NKAIN3: variants seen among roughly 807,000 people sequenced by gnomAD.
The protein encoded by NKAIN3 is sodium/potassium transporting ATPase interacting 3, also known as sodium/potassium-transporting ATPase subunit beta-1-interacting protein 3.
NKAIN3 carries 25 observed loss-of-function variants against 30.2 expected under a neutral mutation model. The ratio of observed to expected loss-of-function variants is 0.83; its 90% CI spans 0.60 to 1.16. The LOEUF is 1.16. Among genes scored for constraint, NKAIN3 ranks in the 50% most tolerant of loss-of-function variants. The pLI, the probability that NKAIN3 is intolerant of heterozygous loss-of-function variation, is 0.00. For missense variants in NKAIN3, 225 were observed against 254.1 expected (o/e 0.89, Z 0.78); for synonymous variants, 91 against 89.6 (o/e 1.02, Z -0.09).
At chr8:62,270,096 G>C (rs2129392439) in intron 1 of NKAIN3, among the ~76,000 whole-genome samples, 1 of 151,492 alleles carries the variant, frequency 6.6e-6, no homozygotes, top group African/African-American at 2.4e-5. Context: ...TTGTTTGTTT[G>C]TTCTGAGAGA....
chr8:62,852,622 T>A (rs189969220), intron 4 of NKAIN3, among the ~76,000 whole-genome samples: 183 of 152,318 alleles, frequency 1.2e-3, no homozygotes, highest in African/African-American at 4.3e-3. Context: ...CACACTGCTT[T>A]GAATGTGTCC....
At chr8:62,850,183 A>G (rs900768159) in intron 4 of NKAIN3, among the ~76,000 whole-genome samples, 5 of 151,960 alleles carry the variant, frequency 3.3e-5, no homozygotes, top group African/African-American at 1.2e-4. Context: ...TGTGGTTTTG[A>G]TTTGCATTTC....
intron 4 of NKAIN3, chr8:62,864,181 G>A (rs13274287): frequency 0.55 from 355,024 of 641,476 alleles, 100,881 homozygotes; most frequent in Non-Finnish European, 0.61. Flanking sequence ...TCAACCGACC[G>A]GGAGGAGGCT....
At chr8:62,776,303 T>C (rs1817190224) in intron 4 of NKAIN3, among the ~76,000 whole-genome samples, 1 of 152,090 alleles carries the variant, frequency 6.6e-6, no homozygotes, top group South Asian at 2.1e-4. Context: ...AAGTAAGGAC[T>C]TTCTTCTGCA....
chr8:62,437,545 G>A (rs1478587814), intron 1 of NKAIN3, among the ~76,000 whole-genome samples: 1 of 152,170 alleles, frequency 6.6e-6, no homozygotes, highest in Non-Finnish European at 1.5e-5. Flanking sequence ...AGATGCTGAG[G>A]CATAAGTCCT....
chr8:62,697,087 T>C (rs756319751), intron 3 of NKAIN3, among the ~76,000 whole-genome samples: 1 of 152,212 alleles, frequency 6.6e-6, no homozygotes, highest in African/African-American at 2.4e-5. Flanking sequence ...TTTTCAAAAC[T>C]GCAGCAGGCG....
At chr8:62,731,007 C>T (rs1360377929) in intron 3 of NKAIN3, among the ~76,000 whole-genome samples, 1 of 152,116 alleles carries the variant, frequency 6.6e-6, no homozygotes, top group African/African-American at 2.4e-5. Flanking sequence ...CTCCTACATC[C>T]TTTCAATGTG....
At chr8:62,792,057 G>A (rs1817715448) in intron 4 of NKAIN3, among the ~76,000 whole-genome samples, 2 of 151,928 alleles carry the variant, frequency 1.3e-5, no homozygotes, top group South Asian at 2.1e-4. Flanking sequence ...TCATGACCAG[G>A]GATACTAATA....
intron 4 of NKAIN3, among the ~76,000 whole-genome samples, chr8:62,885,245 T>C (rs1047686813): frequency 2.6e-5 from 4 of 152,354 alleles, no homozygotes; most frequent in Middle Eastern, 3.4e-3. Context: ...TTGACTCATG[T>C]TATTTCGAAG....
intron 1 of NKAIN3, among the ~76,000 whole-genome samples, chr8:62,493,368 G>A: frequency 6.6e-6 from 1 of 151,924 alleles, no homozygotes; most frequent in East Asian, 1.9e-4. Context: ...TCTCTATTCT[G>A]CTCCACTTGT....
intron 3 of NKAIN3, among the ~76,000 whole-genome samples, chr8:62,720,159 A>G (rs1413557183): frequency 1.3e-5 from 2 of 152,218 alleles, no homozygotes; most frequent in Non-Finnish European, 2.9e-5. Context: ...ATTTATAAAA[A>G]TAAGAAGCTA....
rs1049445362 is a variant in NKAIN3, at chr8:62,994,440, A to G, written c.533-4791A>G. Among the ~76,000 whole-genome samples, 4 of 152,300 alleles carry G rather than the reference A, an allele frequency of 2.6e-5. No homozygotes were observed. In the East Asian group the frequency reaches 7.7e-4, roughly 29 times the overall value. On this transcript the variant is annotated intron_variant, in intron 5 of 5. Coordinates refer to the NKAIN3 transcript ENST00000519049. ...GTGTAGAATGTCTCAGGAATGATGTAAAAGAAATCAGTTGCACTGGTCATC... is the reference window on the plus strand; with the variant it reads ...GTGTAGAATGTCTCAGGAATGATGTGAAAGAAATCAGTTGCACTGGTCATC...
At chr8:62,560,276 C>T (rs1809525960) in intron 1 of NKAIN3, among the ~76,000 whole-genome samples, 4 of 152,002 alleles carry the variant, frequency 2.6e-5, no homozygotes, top group Admixed American at 2.6e-4. Flanking sequence ...AAGATTTACT[C>T]ATCTTCTTGC....
intron 1 of NKAIN3, among the ~76,000 whole-genome samples, chr8:62,521,741 G>A (rs191317425): frequency 3.9e-4 from 60 of 152,244 alleles, no homozygotes; most frequent in African/African-American, 1.3e-3. Context: ...ATTCATTAAT[G>A]CAGAGAACTG....
chr8:62,477,224 G>A (rs901056596), intron 1 of NKAIN3, among the ~76,000 whole-genome samples: 2 of 152,172 alleles, frequency 1.3e-5, no homozygotes, highest in Non-Finnish European at 2.9e-5. Context: ...GGCAAGGATG[G>A]GCTCAGATTT....
intron 2 of NKAIN3, among the ~76,000 whole-genome samples, chr8:62,581,193 A>G (rs1381535827): frequency 6.7e-6 from 1 of 148,812 alleles, no homozygotes; most frequent in Non-Finnish European, 1.5e-5. Context: ...TCTGCTAAGT[A>G]ACTACACAAT....
rs1361390011 is a variant in NKAIN3, at chr8:62,981,352, A to G, written c.*15945A>G. On this transcript the variant is annotated 3_prime_UTR_variant, in exon 7 of 7. Transcript: ENST00000623646. Reference sequence around the variant, plus strand: ...AGCACCCGTGATAACTGTAATAAGAATATGTCTCGTTTTCTTTTAAAGACA... The same window carrying G: ...AGCACCCGTGATAACTGTAATAAGAGTATGTCTCGTTTTCTTTTAAAGACA... 5.3e-5 allele frequency: 8 copies of G among 152,334 alleles called. No individual in the cohort carries two copies. The highest frequency in any genetic ancestry group is 1.9e-4 in the African/African-American group (8 of 41,584). 9.4% of individuals were successfully genotyped at this position (152,334 alleles called of 1,614,324 possible). A position where few individuals can be genotyped will look rare whatever the true frequency, so the allele number is the denominator to read the frequency against.
chr8:62,275,946 T>C (rs1251061951), intron 1 of NKAIN3, among the ~76,000 whole-genome samples: 1 of 152,188 alleles, frequency 6.6e-6, no homozygotes, highest in East Asian at 1.9e-4. Flanking sequence ...AAACTCAGGG[T>C]ATCTTTTTTT....
chr8:62,537,633 T>C (rs1003172580), intron 1 of NKAIN3, among the ~76,000 whole-genome samples: 2 of 152,162 alleles, frequency 1.3e-5, no homozygotes, highest in Admixed American at 1.3e-4. Context: ...TTGTTATATC[T>C]AGTAATGCTT....
Sources: allele counts gnomAD v4.1 joint callset (sites outside exome capture counted in the v4.1 genomes callset), GRCh38; gene constraint gnomAD v4.1.1; transcripts MANE v1.5; gene names NCBI Gene and HGNC (gene_info 2026-07-23, HGNC 2026-07-21).